PELI1: variants seen among roughly 807,000 people sequenced by gnomAD.
The protein encoded by PELI1 is E3 ubiquitin-protein ligase pellino homolog 1.
A neutral mutation model predicts 41.3 loss-of-function variants in PELI1; 15 were observed. The observed-to-expected ratio is 0.36, with a 90% CI of 0.24 to 0.56. The LOEUF (loss-of-function observed/expected upper bound fraction) is 0.56. Among genes scored for constraint, PELI1 ranks in the 20% least tolerant of loss-of-function variants. The pLI, the probability that PELI1 is intolerant of heterozygous loss-of-function variation, is 0.82. For missense variants in PELI1, 403 were observed against 525.5 expected, an observed-to-expected ratio of 0.77 and a Z score of 2.28; for synonymous variants, 178 against 180.1, an observed-to-expected ratio of 0.99 and a Z score of 0.09.
intron 4 of PELI1, among the ~76,000 whole-genome samples, chr2:64,098,462 T>C (rs1369771429): frequency 6.6e-6 from 1 of 152,222 alleles, no homozygotes; most frequent in Non-Finnish European, 1.5e-5. Flanking sequence ...TACTACTTCT[T>C]TGCTTCTTTG....
At chr2:64,121,304 G>C (rs1386558852) in intron 1 of PELI1, among the ~76,000 whole-genome samples, 1 of 152,122 alleles carries the variant, frequency 6.6e-6, no homozygotes, top group East Asian at 1.9e-4. Context: ...TGTAGTTGTA[G>C]CTGACTCTCA....
intron 1 of PELI1, among the ~76,000 whole-genome samples, chr2:64,136,740 T>C (rs1034932720): frequency 1.3e-5 from 2 of 152,108 alleles, no homozygotes; most frequent in African/African-American, 2.4e-5. Flanking sequence ...CTGTCTCTAC[T>C]AAAATACAAA....
At chr2:64,141,464 T>C (rs12479211) in intron 1 of PELI1, among the ~76,000 whole-genome samples, 26,501 of 152,120 alleles carry the variant, frequency 0.17, 3,095 homozygotes, top group Non-Finnish European at 0.24. Context: ...TGATGTATTA[T>C]GGTAAAATGT....
At chr2:64,117,058 C>T (rs1041582893) in intron 1 of PELI1, among the ~76,000 whole-genome samples, 1 of 152,102 alleles carries the variant, frequency 6.6e-6, no homozygotes, top group African/African-American at 2.4e-5. Context: ...GTTCTGACTG[C>T]TCTACTGTTT....
At chr2:64,104,260 C>G (rs952648080) in intron 3 of PELI1, among the ~76,000 whole-genome samples, 5 of 152,042 alleles carry the variant, frequency 3.3e-5, no homozygotes, top group African/African-American at 1.2e-4. Flanking sequence ...AAGTAAAGAC[C>G]CTTAGTTTAA....
Position 64,108,192 on chromosome 2 carries a change from T to C in PELI1, c.71+48A>G, listed in dbSNP as rs774220808. ...GTACTTTTAGCCTAGATGCCAAAGTTAGCATATATTATTAAACTGTGTGTG... is the reference window on the plus strand; with the variant it reads ...GTACTTTTAGCCTAGATGCCAAAGTCAGCATATATTATTAAACTGTGTGTG... On this transcript the variant is annotated intron_variant, in intron 2 of 6. Coordinates refer to ENST00000358912, the MANE Select transcript of PELI1 (RefSeq NM_020651.4). 4.8e-6 allele frequency: 5 copies of C among 1,034,336 alleles called. No individual in the cohort carries two copies. The Middle Eastern group carries it at 8.4e-4, about 173-fold the overall frequency. The allele number at this position is 1,034,336 out of a possible 1,614,324, so 64.1% of individuals were successfully genotyped here. A position where few individuals can be genotyped will look rare whatever the true frequency, so the allele number is the denominator to read the frequency against.
At chr2:64,131,592 T>A (rs1332403453) in intron 1 of PELI1, among the ~76,000 whole-genome samples, 2 of 151,858 alleles carry the variant, frequency 1.3e-5, no homozygotes, top group Non-Finnish European at 2.9e-5. Flanking sequence ...CTAACCGGCA[T>A]GTAGAGAGTG....
chr2:64,100,425 AGTATAT>A lies in PELI1; in HGVS notation c.270_275del (p.Glu90_Thr92delinsAsp). The A allele has an allele frequency of 6.4e-7, 1 of 1,559,690 alleles. No homozygotes were observed. The highest frequency in any genetic ancestry group is 8.8e-7 in the Non-Finnish European group (1 of 1,130,500). On this transcript the variant is annotated inframe_deletion, in exon 4 of 7. Transcript: ENST00000358912. Reference sequence around the variant, plus strand: ...GAAACATATCGGTGTTGCTGTCATGAGTATATTCAACCACCACAGTCTGGGCCCGAG... The same window carrying A: ...GAAACATATCGGTGTTGCTGTCATGATCAACCACCACAGTCTGGGCCCGAG...
chr2:64,099,342 A>G (rs1206898212), intron 4 of PELI1, among the ~76,000 whole-genome samples: 2 of 152,164 alleles, frequency 1.3e-5, no homozygotes, highest in African/African-American at 4.8e-5. Context: ...AAAAAAGCTA[A>G]GCTCATTCAT....
chr2:64,117,390 ACAAT>A (rs1681034320), intron 1 of PELI1, among the ~76,000 whole-genome samples: 1 of 151,958 alleles, frequency 6.6e-6, no homozygotes, highest in Admixed American at 6.6e-5. Context: ...ACCTGGAAAT[ACAAT>A]CAAAGACCTC....
intron 1 of PELI1, among the ~76,000 whole-genome samples, chr2:64,112,036 CTATT>C (rs560570131): frequency 4.5e-4 from 69 of 151,930 alleles, no homozygotes; most frequent in Admixed American, 9.8e-4. Flanking sequence ...TTTTGAATTC[CTATT>C]TAGAGTTACT....
At chr2:64,131,219 T>C (rs573069388) in intron 1 of PELI1, among the ~76,000 whole-genome samples, 1 of 150,092 alleles carries the variant, frequency 6.7e-6, no homozygotes, top group South Asian at 2.1e-4. Flanking sequence ...AATAAGATAT[T>C]ATATTAAATT....
chr2:64,115,611 T>TA (rs1346608063), intron 1 of PELI1, among the ~76,000 whole-genome samples: 1 of 152,184 alleles, frequency 6.6e-6, no homozygotes. Context: ...TAACTCAACA[T>TA]ACATTACCCC....
chr2:64,111,991 T>C (rs1327467841), intron 1 of PELI1, among the ~76,000 whole-genome samples: 3 of 152,150 alleles, frequency 2.0e-5, no homozygotes, highest in Non-Finnish European at 4.4e-5. Flanking sequence ...TAAATTTAAA[T>C]TAATTTTAAA....
Position 64,140,797 on chromosome 2 carries a change from AAACAAACAAAC to A in PELI1, c.-70+3273_-70+3283del, listed in dbSNP as rs1416868366. ...ACTCAAGACAACATGCAAAAAAAAA[AAACAAACAAAC>A]AAAAAAAAACCTAGGGGCAGAACTT... On this transcript the variant is annotated intron_variant, in intron 1 of 6. Transcript: ENST00000358912. 1.4e-4 allele frequency among the ~76,000 whole-genome samples: 20 copies of A among 138,456 alleles called. 2 individuals are homozygous for A. Among genetic ancestry groups the A allele is most frequent in the Admixed American group, 2.8e-4 (4 of 14,296 alleles). The allele number at this position is 138,456 out of a possible 152,430, so 90.8% of individuals were successfully genotyped here.
At position 64,128,043 on chromosome 2, in the gene PELI1, T is replaced by C. The variant is rs933365727; in HGVS notation, c.-70+16038A>G. Among the ~76,000 whole-genome samples, 39 of 152,094 alleles carry C rather than the reference T, an allele frequency of 2.6e-4. 1 individual carries two copies. Among genetic ancestry groups the C allele is most frequent in the African/African-American group, 8.4e-4 (35 of 41,428 alleles). On this transcript the variant is annotated intron_variant, in intron 1 of 6. Coordinates refer to ENST00000358912, the MANE Select transcript of PELI1 (RefSeq NM_020651.4). ...AATTTCAGCTCTGGCCAACATTTAG[T>C]AGATTAAAAAAAAATATCAACCAGT...
At chr2:64,136,638 G>A (rs375925627) in intron 1 of PELI1, among the ~76,000 whole-genome samples, 3 of 152,348 alleles carry the variant, frequency 2.0e-5, no homozygotes, top group African/African-American at 7.2e-5. Context: ...GGGCGCGGCG[G>A]CTCACGCCTG....
intron 1 of PELI1, among the ~76,000 whole-genome samples, chr2:64,115,811 A>G (rs1174300614): frequency 6.6e-6 from 1 of 152,188 alleles, no homozygotes; most frequent in Non-Finnish European, 1.5e-5. Context: ...AGAAGACTAG[A>G]ATGTATTCAC....
At chr2:64,102,134 T>C (rs77041399) in intron 3 of PELI1, among the ~76,000 whole-genome samples, 2 of 152,094 alleles carry the variant, frequency 1.3e-5, no homozygotes, top group African/African-American at 4.8e-5. Context: ...CTGCGTCTGA[T>C]TTTTTTAAGG....
Sources: gnomAD v4.1 joint callset for allele counts (sites outside exome capture counted in the v4.1 genomes callset) on GRCh38, gnomAD v4.1.1 for gene constraint, MANE v1.5 for transcripts, NCBI Gene and HGNC (gene_info 2026-07-23, HGNC 2026-07-21) for gene names.